Variants in CDH13 observed in about 807,000 individuals in gnomAD.
CDH13 encodes cadherin 13.
CDH13 carries 24 observed loss-of-function variants against 63.8 expected under a neutral mutation model. The observed-to-expected ratio is 0.38, with a 90% CI of 0.27 to 0.53. The LOEUF (loss-of-function observed/expected upper bound fraction) is 0.53. Ranked by LOEUF, CDH13 falls within the 20% of genes least tolerant of loss-of-function variation. The pLI is 0.85. For missense variants in CDH13, 1,049 were observed against 903.1 expected (o/e 1.16, Z -2.07); for synonymous variants, 503 against 355.3 (o/e 1.42, Z -4.67).
At chr16:82,806,981 G>T (rs932327928) in intron 1 of CDH13, among the ~76,000 whole-genome samples, 1 of 152,094 alleles carries the variant, frequency 6.6e-6, no homozygotes, top group Non-Finnish European at 1.5e-5. Flanking sequence ...ACTATGGGTA[G>T]CAAAGGAAGC....
At chr16:83,280,568 C>T (rs1301724557) in intron 5 of CDH13, among the ~76,000 whole-genome samples, 1 of 152,214 alleles carries the variant, frequency 6.6e-6, no homozygotes, top group Non-Finnish European at 1.5e-5. Flanking sequence ...ATTTTGGCCT[C>T]TTATCATGAA....
chr16:83,207,915 TAAG>T (rs1311414560), intron 4 of CDH13, among the ~76,000 whole-genome samples: 2 of 152,156 alleles, frequency 1.3e-5, no homozygotes, highest in African/African-American at 4.8e-5. Flanking sequence ...GTCTGCTATA[TAAG>T]AAGGAAACCA....
intron 5 of CDH13, among the ~76,000 whole-genome samples, chr16:83,250,546 A>T (rs1170111683): frequency 6.6e-6 from 1 of 152,164 alleles, no homozygotes; most frequent in African/African-American, 2.4e-5. Context: ...TTCATAAGGA[A>T]CCAGCCATGC....
intron 5 of CDH13, among the ~76,000 whole-genome samples, chr16:83,255,628 C>A (rs1015886871): frequency 2.6e-5 from 4 of 152,178 alleles, no homozygotes; most frequent in African/African-American, 9.7e-5. Flanking sequence ...TGAAAATCGT[C>A]CTCTTGGCAT....
At chr16:83,042,178 T>A (rs1217815671) in intron 3 of CDH13, among the ~76,000 whole-genome samples, 1 of 152,196 alleles carries the variant, frequency 6.6e-6, no homozygotes, top group African/African-American at 2.4e-5. Context: ...CACCCACCTG[T>A]CTGAGTACCA....
At chr16:83,329,565 T>A (rs1365087709) in intron 5 of CDH13, among the ~76,000 whole-genome samples, 1 of 152,178 alleles carries the variant, frequency 6.6e-6, no homozygotes, top group Non-Finnish European at 1.5e-5. Context: ...ATAAAATCGA[T>A]CAGCTTCATC....
At chr16:83,422,475 A>G (rs1290807165) in intron 6 of CDH13, among the ~76,000 whole-genome samples, 1 of 152,244 alleles carries the variant, frequency 6.6e-6, no homozygotes, top group Non-Finnish European at 1.5e-5. Flanking sequence ...CTGGTTTCTT[A>G]TAGTATTAAT....
At chr16:83,184,309 C>G (rs187019922) in intron 4 of CDH13, among the ~76,000 whole-genome samples, 1 of 152,142 alleles carries the variant, frequency 6.6e-6, no homozygotes, top group Non-Finnish European at 1.5e-5. Flanking sequence ...TACATTAACT[C>G]TAAAAAGTAA....
At chr16:83,618,085 G>A (rs1164530843) in intron 8 of CDH13, among the ~76,000 whole-genome samples, 2 of 152,138 alleles carry the variant, frequency 1.3e-5, no homozygotes, top group Non-Finnish European at 2.9e-5. Context: ...ATAAATGGTC[G>A]ATGCTTGACA....
At chr16:82,951,621 G>A (rs557826406) in intron 2 of CDH13, among the ~76,000 whole-genome samples, 1 of 152,298 alleles carries the variant, frequency 6.6e-6, no homozygotes, top group East Asian at 1.9e-4. Flanking sequence ...CTTACTGCCA[G>A]CATCTACAGG....
At chr16:83,065,336 A>AT (rs1855685551) in intron 3 of CDH13, among the ~76,000 whole-genome samples, 1 of 152,196 alleles carries the variant, frequency 6.6e-6, no homozygotes. Flanking sequence ...GCTATGTTGA[A>AT]TGCTGGTACA....
At chr16:83,250,949 T>A (rs4782525) in intron 5 of CDH13, among the ~76,000 whole-genome samples, 1 of 151,906 alleles carries the variant, frequency 6.6e-6, no homozygotes, top group South Asian at 2.1e-4. Context: ...TGTTTAAACA[T>A]TGGGGGAAGA....
chr16:83,353,236 C>A (rs1032968556), intron 6 of CDH13, among the ~76,000 whole-genome samples: 2 of 152,232 alleles, frequency 1.3e-5, no homozygotes, highest in Admixed American at 6.5e-5. Context: ...AAAAAAGAAA[C>A]TGAATCTTTG....
intron 6 of CDH13, among the ~76,000 whole-genome samples, chr16:83,350,185 A>G (rs1477493480): frequency 1.3e-5 from 2 of 152,102 alleles, no homozygotes; most frequent in African/African-American, 2.4e-5. Context: ...CGGCCTTCCA[A>G]CAACATCAGG....
chr16:82,911,212 A>G (rs1448053740), intron 2 of CDH13, among the ~76,000 whole-genome samples: 1 of 152,218 alleles, frequency 6.6e-6, no homozygotes, highest in Non-Finnish European at 1.5e-5. Flanking sequence ...TCATTTGCAC[A>G]TCTCATCTGG....
At chr16:83,205,015 C>G (rs1356412247) in intron 4 of CDH13, among the ~76,000 whole-genome samples, 2 of 152,240 alleles carry the variant, frequency 1.3e-5, no homozygotes, top group East Asian at 1.9e-4. Flanking sequence ...AGGAAGAACA[C>G]TGCTGTGTGC....
intron 3 of CDH13, among the ~76,000 whole-genome samples, chr16:83,105,584 T>C (rs1334564815): frequency 6.6e-6 from 1 of 152,114 alleles, no homozygotes; most frequent in East Asian, 1.9e-4. Flanking sequence ...TCCAAAAACT[T>C]CTTTGGGAAA....
At chr16:83,248,766 C>G (rs1344872511) in intron 5 of CDH13, among the ~76,000 whole-genome samples, 1 of 152,148 alleles carries the variant, frequency 6.6e-6, no homozygotes, top group Non-Finnish European at 1.5e-5. Context: ...CCCTCACAAT[C>G]TTAACCACAC....
intron 5 of CDH13, among the ~76,000 whole-genome samples, chr16:83,311,237 A>T (rs1412702588): frequency 1.3e-5 from 2 of 151,726 alleles, no homozygotes; most frequent in Admixed American, 1.3e-4. Flanking sequence ...TTCCTCCATG[A>T]CCTCCTTTGG....
Sources: allele counts gnomAD v4.1 joint callset (sites outside exome capture counted in the v4.1 genomes callset), GRCh38; gene constraint gnomAD v4.1.1; transcripts MANE v1.5; gene names NCBI Gene and HGNC (gene_info 2026-07-23, HGNC 2026-07-21).